TET1: variants seen among roughly 807,000 people sequenced by gnomAD.
TET1 encodes tet methylcytosine dioxygenase 1.
TET1 carries 13 observed loss-of-function variants against 148.7 expected under a neutral mutation model. That is an observed-to-expected ratio of 0.09 (90% confidence interval 0.06 to 0.14). TET1 has a LOEUF of 0.14. Ranked by LOEUF, TET1 falls within the 10% of genes least tolerant of loss-of-function variation. TET1 has a pLI of 1.00. For missense variants in TET1, 2,182 were observed against 2,553.8 expected, an observed-to-expected ratio of 0.85 and a Z score of 3.14; for synonymous variants, 907 against 937.2, an observed-to-expected ratio of 0.97 and a Z score of 0.59.
At chr10:68,629,360 G>A (rs1297073876) in intron 3 of TET1, among the ~76,000 whole-genome samples, 13 of 151,456 alleles carry the variant, frequency 8.6e-5, no homozygotes, top group Admixed American at 7.9e-4. Context: ...GAAAGATCTC[G>A]TCTCAAAAAA....
intron 2 of TET1, among the ~76,000 whole-genome samples, chr10:68,584,109 G>A (rs553241950): frequency 1.9e-3 from 289 of 150,210 alleles, no homozygotes; most frequent in African/African-American, 6.7e-3. Flanking sequence ...GCGCGATCTC[G>A]GCTCACTGCA....
chr10:68,592,712 C>A (rs1217518581), intron 2 of TET1, among the ~76,000 whole-genome samples: 3 of 152,138 alleles, frequency 2.0e-5, no homozygotes, highest in African/African-American at 7.2e-5. Flanking sequence ...TCTTCTCTCC[C>A]TCTATATCTT....
intron 6 of TET1, among the ~76,000 whole-genome samples, chr10:68,652,845 ATTTTTTTTTTTT>A (rs71019047): frequency 9.9e-6 from 1 of 101,214 alleles, no homozygotes; most frequent in Non-Finnish European, 1.9e-5. Context: ...AACCCGGCTA[ATTTTTTTTTTTT>A]TTTTTTTTTT....
intron 3 of TET1, among the ~76,000 whole-genome samples, chr10:68,620,353 A>G (rs2054352863): frequency 6.6e-6 from 1 of 152,054 alleles, no homozygotes; most frequent in Non-Finnish European, 1.5e-5. Flanking sequence ...CTTGGCAACC[A>G]CTAGTGTACT....
intron 4 of TET1, among the ~76,000 whole-genome samples, chr10:68,647,302 G>T (rs975852284): frequency 6.6e-6 from 1 of 152,118 alleles, no homozygotes; most frequent in Admixed American, 6.6e-5. Flanking sequence ...ATCGTGCGTA[G>T]CATAAGAATG....
intron 3 of TET1, chr10:68,632,841 AAAAAAAAAAAAG>A (rs1469389059): frequency 8.9e-6 from 7 of 790,092 alleles, no homozygotes; most frequent in Non-Finnish European, 1.2e-5. Context: ...GTTGTAAAAA[AAAAAAAAAAAAG>A]AAAGAAAACA....
At chr10:68,618,423 T>C (rs1348655335) in intron 3 of TET1, among the ~76,000 whole-genome samples, 2 of 152,204 alleles carry the variant, frequency 1.3e-5, no homozygotes, top group Non-Finnish European at 2.9e-5. Flanking sequence ...TATCTTGCCC[T>C]TCCTGCTCTT....
In TET1 at chr10:68,573,111, C is replaced by G. The variant is rs1288806952; in HGVS notation, c.773C>G (p.Pro258Arg). ...GCTCCTTTTCCCCAAAGAGCAACCC[C>G]CAAAGTTACCTCTCAAGGAAACCCC... ...VCAPFPQRAT[P>R]KVTSQGNPSI... is the part of the protein sequence containing the mutation. Residue 258 changes from proline to arginine, a missense_variant, in exon 2 of 12, where the codon CCC (proline) becomes CGC (arginine). Pro to Arg is a moderately radical substitution (Grantham distance 103, BLOSUM62 -2). Around this residue, in one of 11 missense-constraint regions of TET1, gnomAD observed 665 missense variants for 672.4 expected, o/e 0.99. Transcript: ENST00000373644. 2 of 1,613,952 alleles carry G rather than the reference C, an allele frequency of 1.2e-6. No individual in the cohort carries two copies. The highest frequency in any genetic ancestry group is 2.7e-5 in the African/African-American group (2 of 74,878).
At chr10:68,653,800 G>A (rs1459059937) in intron 6 of TET1, among the ~76,000 whole-genome samples, 1 of 152,026 alleles carries the variant, frequency 6.6e-6, no homozygotes, top group Admixed American at 6.6e-5. Flanking sequence ...TCTTTCCAGG[G>A]TTTTCCCATT....
intron 8 of TET1, among the ~76,000 whole-genome samples, chr10:68,680,322 G>A (rs1457994802): frequency 1.3e-5 from 2 of 152,184 alleles, no homozygotes; most frequent in African/African-American, 2.4e-5. Flanking sequence ...CACTCACCCT[G>A]TTTAGTCCAT....
intron 8 of TET1, chr10:68,673,603 T>G: frequency 6.3e-6 from 1 of 159,466 alleles, no homozygotes; most frequent in Non-Finnish European, 1.4e-5. Flanking sequence ...AGCTCGTGGG[T>G]GGGTAGGCAG....
intron 6 of TET1, among the ~76,000 whole-genome samples, chr10:68,655,966 A>G (rs1363310440): frequency 1.3e-5 from 2 of 152,104 alleles, no homozygotes; most frequent in Non-Finnish European, 2.9e-5. Context: ...CAGCAGTGGG[A>G]TTAGACTCTC....
intron 3 of TET1, among the ~76,000 whole-genome samples, chr10:68,607,833 TATATAA>T (rs200423378): frequency 0.022 from 3,215 of 148,438 alleles, 190 homozygotes; most frequent in East Asian, 0.17. Flanking sequence ...TATGTTTATA[TATATAA>T]ATATAAATAT....
At chr10:68,567,057 T>C (rs1426591059) in intron 1 of TET1, among the ~76,000 whole-genome samples, 4 of 152,172 alleles carry the variant, frequency 2.6e-5, no homozygotes, top group Non-Finnish European at 5.9e-5. Flanking sequence ...ATTTATGAAC[T>C]GAAAACTGAA....
rs1564973406 is a variant in TET1, at chr10:68,622,232, CCCT to C, written c.1968+21199_1968+21201del. On this transcript the variant is annotated intron_variant, in intron 3 of 11. Coordinates refer to ENST00000373644, the MANE Select transcript of TET1 (RefSeq NM_030625.3). ...TTCCTTCCTTCCTTCCCTCCTTCCT[CCCT>C]TCCCTCCCTCCCTCCCTCCTTCCCT... 4.5e-3 allele frequency among the ~76,000 whole-genome samples: 331 copies of C among 73,286 alleles called. 4 individuals are homozygous for C. Among genetic ancestry groups the C allele is most frequent in the Non-Finnish European group, 5.6e-3 (213 of 38,166 alleles). The allele number at this position is 73,286 out of a possible 152,430, so 48.1% of individuals were successfully genotyped here. A position where few individuals can be genotyped will look rare whatever the true frequency, so the allele number is the denominator to read the frequency against.
At chr10:68,588,926 A>G (rs1249487328) in intron 2 of TET1, among the ~76,000 whole-genome samples, 1 of 151,830 alleles carries the variant, frequency 6.6e-6, no homozygotes, top group African/African-American at 2.4e-5. Flanking sequence ...GTTTGAGACA[A>G]GCCTGGGTAA....
chr10:68,617,292 A>G (rs61868099), intron 3 of TET1, among the ~76,000 whole-genome samples: 9,038 of 141,640 alleles, frequency 0.064, 370 homozygotes, highest in Non-Finnish European at 0.089. Context: ...CCAAAGTGCT[A>G]GGATTACAGG....
chr10:68,571,698 A>G (rs1219692066), intron 1 of TET1, among the ~76,000 whole-genome samples: 2 of 151,184 alleles, frequency 1.3e-5, no homozygotes, highest in Admixed American at 6.6e-5. Flanking sequence ...GCACCTGGCC[A>G]CTGTTTTTAT....
intron 10 of TET1, among the ~76,000 whole-genome samples, chr10:68,683,686 A>G (rs2055470466): frequency 6.6e-6 from 1 of 152,214 alleles, no homozygotes; most frequent in South Asian, 2.1e-4. Context: ...TGCTGGGATT[A>G]CAGGTGTGAG....
Sources: gnomAD v4.1 joint callset for allele counts (sites outside exome capture counted in the v4.1 genomes callset) on GRCh38, gnomAD v4.1.1 for gene constraint, gnomAD v4.1.1 regional missense constraint, MANE v1.5 for transcripts, NCBI Gene and HGNC (gene_info 2026-07-23, HGNC 2026-07-21) for gene names.